CHRNA9: variants seen among roughly 807,000 people sequenced by gnomAD.
CHRNA9 encodes cholinergic receptor nicotinic alpha 9 subunit.
A neutral mutation model predicts 36.8 loss-of-function variants in CHRNA9; 24 were observed. That is an observed-to-expected ratio of 0.65 (90% CI 0.47 to 0.92). The LOEUF (loss-of-function observed/expected upper bound fraction) is 0.92. Among genes scored for constraint, CHRNA9 ranks in the 40% least tolerant of loss-of-function variants. CHRNA9 has a pLI of 0.00. For missense variants in CHRNA9, 610 were observed against 601.2 expected, an observed-to-expected ratio of 1.01 and a Z score of -0.15; for synonymous variants, 231 against 231.8, an observed-to-expected ratio of 1.00 and a Z score of 0.03.
chr4:40,344,777 A>C (rs1318624857), intron 3 of CHRNA9, among the ~76,000 whole-genome samples: 1 of 152,182 alleles, frequency 6.6e-6, no homozygotes, highest in Non-Finnish European at 1.5e-5. Context: ...CCAGTCTCTG[A>C]CCTCAAGGAA....
At chr4:40,336,405 G>A (rs1712320683) in intron 2 of CHRNA9, among the ~76,000 whole-genome samples, 1 of 152,158 alleles carries the variant, frequency 6.6e-6, no homozygotes, top group African/African-American at 2.4e-5. Flanking sequence ...GTTGCACAAC[G>A]TTGTGAATAT....
At chr4:40,346,105 T>C (rs944407941) in intron 3 of CHRNA9, among the ~76,000 whole-genome samples, 4 of 152,208 alleles carry the variant, frequency 2.6e-5, no homozygotes, top group African/African-American at 9.6e-5. Context: ...GGTCAGCAGG[T>C]TCCCTTGCCC....
rs368167486 is a variant in CHRNA9 at position 40,337,207 on chromosome 4, T to C, written c.211-3T>C. On this transcript the variant is annotated splice_region_variant and splice_polypyrimidine_tract_variant and intron_variant, in intron 2 of 4. Transcript: ENST00000310169. ...TAAAGCGACATCTGGATTCATTGTGTAGGATGAAAGAAACCAAATTCTGAC... is the reference window on the plus strand; with the variant it reads ...TAAAGCGACATCTGGATTCATTGTGCAGGATGAAAGAAACCAAATTCTGAC... 811 of 1,613,924 alleles carry C rather than the reference T, an allele frequency of 5.0e-4. No individual in the cohort carries two copies. Among genetic ancestry groups the C allele is most frequent in the Non-Finnish European group, 6.4e-4 (750 of 1,179,902 alleles).
chr4:40,335,836 C>T lies in CHRNA9; in HGVS notation c.74C>T (p.Thr25Met), dbSNP rs373239007. The part of the protein sequence containing the change: ...FAASRLRAAE[T>M]ADGKYAQKLF... Reference sequence around the variant, plus strand: ...CCCTCTTGTTGAGTAGCTGCAGAGACGGCAGATGGAAAATATGCTCAGAAG... The same window carrying T: ...CCCTCTTGTTGAGTAGCTGCAGAGATGGCAGATGGAAAATATGCTCAGAAG... Residue 25 changes from threonine (T) to methionine (M), a missense_variant, in exon 2 of 5, where the codon ACG (threonine) becomes ATG (methionine). Thr to Met is a moderately conservative substitution (Grantham distance 81). Coordinates refer to ENST00000310169, the MANE Select transcript of CHRNA9 (RefSeq NM_017581.4). 52 of 1,612,438 alleles carry T rather than the reference C, an allele frequency of 3.2e-5. No homozygotes were observed. In the African/African-American group the frequency reaches 4.5e-4, roughly 14 times the overall value.
chr4:40,338,898 C>A (rs1447405290), intron 3 of CHRNA9, among the ~76,000 whole-genome samples: 1 of 151,900 alleles, frequency 6.6e-6, no homozygotes, highest in Non-Finnish European at 1.5e-5. Context: ...CTCTCACACA[C>A]ACACACACAC....
chr4:40,349,508 G>A, intron 4 of CHRNA9, 94 bp downstream of exon 4: 3 of 1,286,750 alleles, frequency 2.3e-6, no homozygotes, highest in Non-Finnish European at 3.2e-6. Context: ...TTGAAAAAAT[G>A]GAGCCAATTT....
chr4:40,351,111 G>A (rs1360878560), intron 4 of CHRNA9, among the ~76,000 whole-genome samples: 2 of 151,602 alleles, frequency 1.3e-5, no homozygotes, highest in Non-Finnish European at 2.9e-5. Context: ...GCTGAGGCAG[G>A]CAGATCACCT....
At chr4:40,342,939 ACTT>A (rs776243973) in intron 3 of CHRNA9, among the ~76,000 whole-genome samples, 17 of 152,034 alleles carry the variant, frequency 1.1e-4, no homozygotes, top group Non-Finnish European at 2.4e-4. Context: ...AGAGGGGGGA[ACTT>A]CTTTTTGATA....
chr4:40,349,847 C>T (rs1372864655), intron 4 of CHRNA9: 1 of 162,062 alleles, frequency 6.2e-6, no homozygotes, highest in South Asian at 1.8e-4. Flanking sequence ...AGTCTGAAAT[C>T]CACTGACCCA....
At chr4:40,337,065 A>C in intron 2 of CHRNA9, 145 bp from the exon 3 acceptor site, 1 of 720,242 alleles carries the variant, frequency 1.4e-6, no homozygotes, top group South Asian at 2.0e-5. Flanking sequence ...AAGGGGATAG[A>C]ATAAATAAAG....
chr4:40,339,183 G>A (rs1712422249), intron 3 of CHRNA9, among the ~76,000 whole-genome samples: 2 of 148,938 alleles, frequency 1.3e-5, no homozygotes, highest in African/African-American at 2.5e-5. Flanking sequence ...GGAGGCTGAG[G>A]CAGGAAACTC....
At chr4:40,348,800 T>G in intron 3 of CHRNA9, 82 bp from the exon 4 acceptor site, 4 of 1,361,598 alleles carry the variant, frequency 2.9e-6, no homozygotes, top group African/African-American at 1.4e-5. Flanking sequence ...ACTGAAGTGA[T>G]GGGGACAGTG....
intron 3 of CHRNA9, among the ~76,000 whole-genome samples, chr4:40,339,324 A>G (rs1490368880): frequency 1.3e-5 from 2 of 149,908 alleles, no homozygotes; most frequent in Non-Finnish European, 3.0e-5. Context: ...AAAAAGAAAG[A>G]TAATTTCATT....
At chr4:40,335,739 C>T in intron 1 of CHRNA9, 88 bp from the exon 2 acceptor site, 1 of 1,335,978 alleles carries the variant, frequency 7.5e-7, no homozygotes, top group Non-Finnish European at 1.1e-6. Context: ...GTTGGGCCAT[C>T]CCCCATTTTA....
intron 4 of CHRNA9, among the ~76,000 whole-genome samples, chr4:40,352,900 C>T (rs935680310): frequency 3.9e-5 from 6 of 152,116 alleles, no homozygotes; most frequent in East Asian, 1.9e-4. Flanking sequence ...ATTGTTTGTT[C>T]GTTGAGTGTG....
intron 3 of CHRNA9, among the ~76,000 whole-genome samples, chr4:40,347,635 G>A (rs1175873702): frequency 6.6e-6 from 1 of 152,034 alleles, no homozygotes; most frequent in Non-Finnish European, 1.5e-5. Flanking sequence ...CAAAGATAGT[G>A]CAGAATTCCC....
At chr4:40,353,946 C>CAAAA in intron 4 of CHRNA9, 33 bp from the exon 5 acceptor site, 1 of 1,549,934 alleles carries the variant, frequency 6.5e-7, no homozygotes, top group Non-Finnish European at 8.7e-7. Context: ...CATTTTAAAG[C>CAAAA]AAATTCAGTT....
intron 3 of CHRNA9, among the ~76,000 whole-genome samples, chr4:40,338,852 G>GTCTC (rs372029603): frequency 6.9e-6 from 1 of 144,412 alleles, no homozygotes; most frequent in Non-Finnish European, 1.5e-5. Flanking sequence ...CTCTGTCTCT[G>GTCTC]TCTCTCTCTC....
At chr4:40,343,457 T>G (rs1712556103) in intron 3 of CHRNA9, among the ~76,000 whole-genome samples, 1 of 152,086 alleles carries the variant, frequency 6.6e-6, no homozygotes, top group Non-Finnish European at 1.5e-5. Flanking sequence ...CTCATGAGAT[T>G]TATTCACTAT....
Sources: gnomAD v4.1 joint callset for allele counts (sites outside exome capture counted in the v4.1 genomes callset) on GRCh38, gnomAD v4.1.1 for gene constraint, MANE v1.5 for transcripts, NCBI Gene and HGNC (gene_info 2026-07-23, HGNC 2026-07-21) for gene names.